The following CCDC172 variants were observed in gnomAD, a reference collection of about 807,000 sequenced individuals.
CCDC172 encodes the protein coiled-coil domain containing 172, also known as coiled-coil domain-containing protein 172.
CCDC172 carries 30 observed loss-of-function variants against 38.0 expected under a neutral mutation model. That is an observed-to-expected ratio of 0.79 (90% confidence interval 0.59 to 1.07). CCDC172 has a LOEUF of 1.07. Among genes scored for constraint, CCDC172 ranks in the 50% least tolerant of loss-of-function variants. The probability of loss-of-function intolerance (pLI) is 0.00; values close to 1 mark genes in which losing one functional copy is unlikely to be tolerated. For synonymous variants in CCDC172, 78 were observed against 88.3 expected, an observed-to-expected ratio of 0.88 and a Z score of 0.66; for missense variants, 297 against 290.1, an observed-to-expected ratio of 1.02 and a Z score of -0.17.
At chr10:116,333,722 A>G (rs1472907852) in intron 3 of CCDC172, among the ~76,000 whole-genome samples, 5 of 152,150 alleles carry the variant, frequency 3.3e-5, no homozygotes, top group Admixed American at 3.3e-4. Context: ...CCCTAATCAG[A>G]TTACTGTCTC....
intron 5 of CCDC172, among the ~76,000 whole-genome samples, chr10:116,344,245 C>T (rs1355596530): frequency 6.6e-6 from 1 of 152,158 alleles, no homozygotes; most frequent in Admixed American, 6.5e-5. Context: ...CTGAGAAATG[C>T]ATTCTTAGTC....
chr10:116,358,264 ATTAC>A (rs1845024133), intron 7 of CCDC172, among the ~76,000 whole-genome samples: 1 of 152,224 alleles, frequency 6.6e-6, no homozygotes, highest in Admixed American at 6.5e-5. Context: ...AATGATTGAA[ATTAC>A]TTTTAATCTT....
At chr10:116,335,416 A>G (rs1844715889) in intron 3 of CCDC172, among the ~76,000 whole-genome samples, 1 of 137,406 alleles carries the variant, frequency 7.3e-6, no homozygotes, top group Admixed American at 7.8e-5. Flanking sequence ...GCTTTAAAAT[A>G]TCTTTGGCCC....
intron 7 of CCDC172, among the ~76,000 whole-genome samples, chr10:116,374,160 A>T (rs1845217998): frequency 6.6e-6 from 1 of 152,110 alleles, no homozygotes; most frequent in Non-Finnish European, 1.5e-5. Context: ...ATCGACTGTT[A>T]TGCTATCACA....
chr10:116,376,469 T>C (rs1321460201), intron 7 of CCDC172, among the ~76,000 whole-genome samples: 1 of 152,172 alleles, frequency 6.6e-6, no homozygotes. Context: ...TTTATGTTTT[T>C]CTTTTCAGAA....
chr10:116,333,319 T>C (rs1844689123), intron 3 of CCDC172, among the ~76,000 whole-genome samples: 1 of 152,192 alleles, frequency 6.6e-6, no homozygotes, highest in Admixed American at 6.6e-5. Context: ...ACTACTTTCT[T>C]AGAGCTAAAG....
Position 116,356,198 on chromosome 10 carries a change from C to T in CCDC172, c.449-1182C>T, listed in dbSNP as rs1255482108. Reference sequence around the variant, plus strand: ...CACAAAAATTAGCCAGGCATGGTGGCGAGCACCTGTAATCGCAGCTGCTTA... The same window carrying T: ...CACAAAAATTAGCCAGGCATGGTGGTGAGCACCTGTAATCGCAGCTGCTTA... On this transcript the variant is annotated intron_variant, in intron 5 of 8. Coordinates refer to ENST00000333254, the MANE Select transcript of CCDC172 (RefSeq NM_198515.3). Among the ~76,000 whole-genome samples, 6 of 151,876 alleles carry T rather than the reference C, an allele frequency of 4.0e-5. No homozygotes were observed. In the East Asian group the frequency reaches 9.7e-4, roughly 25 times the overall value.
At chr10:116,356,359 G>A (rs532438516) in intron 5 of CCDC172, among the ~76,000 whole-genome samples, 1 of 150,030 alleles carries the variant, frequency 6.7e-6, no homozygotes, top group South Asian at 2.1e-4. Flanking sequence ...GAAAGAAAGG[G>A]GGGGAGGAGG....
At chr10:116,362,780 A>G (rs1220951067) in intron 7 of CCDC172, among the ~76,000 whole-genome samples, 2 of 152,046 alleles carry the variant, frequency 1.3e-5, no homozygotes, top group Non-Finnish European at 2.9e-5. Context: ...TTAGCTCTAT[A>G]TTTTGCTGAA....
chr10:116,377,159 T>C (rs1031071019), intron 7 of CCDC172, among the ~76,000 whole-genome samples: 3 of 152,172 alleles, frequency 2.0e-5, no homozygotes, highest in Admixed American at 6.5e-5. Flanking sequence ...GTTGTGCACA[T>C]GTACCCTAAA....
chr10:116,351,419 G>A (rs1418020718), intron 5 of CCDC172, among the ~76,000 whole-genome samples: 1 of 152,102 alleles, frequency 6.6e-6, no homozygotes, highest in Admixed American at 6.6e-5. Flanking sequence ...AATATTTAAA[G>A]TCAATTATAT....
At chr10:116,343,613 CT>C (rs1258376774) in intron 5 of CCDC172, among the ~76,000 whole-genome samples, 4 of 150,666 alleles carry the variant, frequency 2.7e-5, no homozygotes, top group Non-Finnish European at 5.9e-5. Flanking sequence ...CGTATCATTC[CT>C]TTTTTTTACT....
intron 7 of CCDC172, among the ~76,000 whole-genome samples, chr10:116,360,034 A>G (rs1362118486): frequency 6.6e-6 from 1 of 152,218 alleles, no homozygotes; most frequent in Non-Finnish European, 1.5e-5. Flanking sequence ...GCTTTAAATA[A>G]TCTGTCTCTA....
At chr10:116,344,728 A>C (rs1320472742) in intron 5 of CCDC172, among the ~76,000 whole-genome samples, 3 of 152,118 alleles carry the variant, frequency 2.0e-5, no homozygotes, top group Non-Finnish European at 4.4e-5. Context: ...TACTTTATAA[A>C]CCTTTTATTA....
intron 7 of CCDC172, among the ~76,000 whole-genome samples, chr10:116,377,829 C>CAT (rs1845266722): frequency 6.6e-6 from 1 of 152,016 alleles, no homozygotes; most frequent in African/African-American, 2.4e-5. Flanking sequence ...GATGTTAAGA[C>CAT]ATAGTACTAT....
chr10:116,354,801 A>G (rs146101525), intron 5 of CCDC172, among the ~76,000 whole-genome samples: 218 of 152,354 alleles, frequency 1.4e-3, no homozygotes, highest in African/African-American at 5.0e-3. Context: ...AGGGCCTTCC[A>G]GTAGGGGCTT....
chr10:116,367,710 G>A (rs1845140244), intron 7 of CCDC172, among the ~76,000 whole-genome samples: 1 of 151,936 alleles, frequency 6.6e-6, no homozygotes, highest in Non-Finnish European at 1.5e-5. Flanking sequence ...TTTATCATTG[G>A]TACAGTACTA....
At chr10:116,341,892 A>G in intron 4 of CCDC172, 144 bp from the exon 5 acceptor site, 1 of 499,532 alleles carries the variant, frequency 2.0e-6, no homozygotes, top group Non-Finnish European at 2.9e-6. Flanking sequence ...TTACTATGAG[A>G]AAAAAACATT....
At chr10:116,325,886 T>C (rs1476566560) in intron 3 of CCDC172, among the ~76,000 whole-genome samples, 1 of 152,178 alleles carries the variant, frequency 6.6e-6, no homozygotes, top group Non-Finnish European at 1.5e-5. Context: ...GCGTTTGTAA[T>C]GTTCTGTTAT....
Sources: allele counts gnomAD v4.1 joint callset (sites outside exome capture counted in the v4.1 genomes callset), GRCh38; gene constraint gnomAD v4.1.1; transcripts MANE v1.5; gene names NCBI Gene and HGNC (gene_info 2026-07-23, HGNC 2026-07-21).